ZKSCAN5: variants seen among roughly 807,000 people sequenced by gnomAD.
ZKSCAN5 encodes the protein zinc finger protein with KRAB and SCAN domains 5.
In ZKSCAN5, 28 loss-of-function variants were observed where a neutral mutation model predicts 60.0. The observed-to-expected ratio is 0.47, with a 90% CI of 0.35 to 0.64. ZKSCAN5 has a LOEUF of 0.64. ZKSCAN5 is among the 30% of genes least tolerant of loss of function. The pLI is 0.01. For missense variants in ZKSCAN5, 881 were observed against 1,034.6 expected (o/e 0.85, Z 2.04); for synonymous variants, 361 against 371.2 (o/e 0.97, Z 0.31).
intron 5 of ZKSCAN5, among the ~76,000 whole-genome samples, chr7:99,525,361 A>G (rs1465138430): frequency 6.6e-6 from 1 of 151,614 alleles, no homozygotes; most frequent in African/African-American, 2.4e-5. Flanking sequence ...AGTCCTAGCT[A>G]CTTGGGAGGC....
chr7:99,526,836 T>C (rs1801817085), intron 6 of ZKSCAN5, among the ~76,000 whole-genome samples: 1 of 152,264 alleles, frequency 6.6e-6, no homozygotes, highest in Non-Finnish European at 1.5e-5. Flanking sequence ...ATTACAGGCA[T>C]GAGCCACTGT....
chr7:99,521,258 C>G (rs550176438), intron 5 of ZKSCAN5, among the ~76,000 whole-genome samples: 1 of 152,138 alleles, frequency 6.6e-6, no homozygotes, highest in African/African-American at 2.4e-5. Flanking sequence ...AGTACAATGG[C>G]GCAATCTCAG....
chr7:99,526,733 T>C (rs1201382383), intron 6 of ZKSCAN5, among the ~76,000 whole-genome samples: 1 of 152,086 alleles, frequency 6.6e-6, no homozygotes, highest in Non-Finnish European at 1.5e-5. Context: ...TTTTGTGTTT[T>C]TAGTAGACAC....
chr7:99,527,029 T>G (rs1464319143), intron 6 of ZKSCAN5, among the ~76,000 whole-genome samples: 3 of 152,234 alleles, frequency 2.0e-5, no homozygotes, highest in Non-Finnish European at 4.4e-5. Context: ...GTTATTTTAC[T>G]TATTTTAAAA....
chr7:99,527,325 A>C (rs1441409636), intron 6 of ZKSCAN5, among the ~76,000 whole-genome samples: 3 of 152,224 alleles, frequency 2.0e-5, no homozygotes, highest in Non-Finnish European at 4.4e-5. Context: ...TGGCTAACAG[A>C]GTGAGACTTC....
At chr7:99,514,138 T>C (rs1045917790) in intron 3 of ZKSCAN5, among the ~76,000 whole-genome samples, 1 of 152,206 alleles carries the variant, frequency 6.6e-6, no homozygotes, top group Non-Finnish European at 1.5e-5. Context: ...TATCTTATTA[T>C]TACAAAATAC....
At chr7:99,514,115 C>T (rs1405469048) in intron 3 of ZKSCAN5, among the ~76,000 whole-genome samples, 1 of 152,092 alleles carries the variant, frequency 6.6e-6, no homozygotes, top group Non-Finnish European at 1.5e-5. Context: ...TGTGATGGTC[C>T]AGAATCTCTT....
chr7:99,534,370 G>C lies in ZKSCAN5; in HGVS notation c.*2121G>C. ...CTACAGGCACATGCCACCATGAGTG[G>C]CTAATTTTTAAAAAACATACTTTAG... On this transcript the variant is annotated 3_prime_UTR_variant, in exon 7 of 7. Coordinates refer to ENST00000326775, the MANE Select transcript of ZKSCAN5 (RefSeq NM_145102.4). The C allele has an allele frequency of 6.6e-6, 1 of 152,058 alleles. No individual in the cohort carries two copies. Among genetic ancestry groups the C allele is most frequent in the African/African-American group, 2.4e-5 (1 of 41,386 alleles). 9.4% of individuals were successfully genotyped at this position (152,058 alleles called of 1,614,324 possible).
Position 99,520,169 on chromosome 7 carries a change from A to G in ZKSCAN5, c.637A>G (p.Lys213Glu). The change falls in exon 5 of 7, where the codon AAG becomes GAG. Residue 213 changes from lysine (K) to glutamate (E), a missense_variant and splice_region_variant. Lys to Glu is a moderately conservative substitution (Grantham distance 56). Transcript: ENST00000326775. Reference sequence around the variant, plus strand: ...ATTTAGTGGAGATCTCCTGTTTCAGAAGTTGGTGAAAATTGAAGAGGTGGC... The same window carrying G: ...ATTTAGTGGAGATCTCCTGTTTCAGGAGTTGGTGAAAATTGAAGAGGTGGC... ...TASLLSTGSQ[K>E]LVKIEEVADV... 1 of 1,610,496 alleles carries G rather than the reference A, an allele frequency of 6.2e-7. No individual in the cohort carries two copies. The highest frequency in any genetic ancestry group is 2.2e-5 in the East Asian group (1 of 44,744).
At chr7:99,513,817 C>A in intron 3 of ZKSCAN5, 1 of 245,754 alleles carries the variant, frequency 4.1e-6, no homozygotes, top group Admixed American at 4.9e-5. Flanking sequence ...CACCTGAGGT[C>A]AGGAGTTCAA....
chr7:99,514,928 G>A (rs1035293920), intron 3 of ZKSCAN5, among the ~76,000 whole-genome samples: 1 of 149,828 alleles, frequency 6.7e-6, no homozygotes, highest in African/African-American at 2.5e-5. Context: ...AAAAAAAAAT[G>A]TATTAGCTAG....
chr7:99,531,759 T>C lies in ZKSCAN5; in HGVS notation c.2030T>C (p.Ile677Thr), dbSNP rs776032383. Residue 677 changes from isoleucine (I) to threonine (T), a missense_variant, in exon 7 of 7, where the codon ATT (isoleucine) becomes ACT (threonine). Around this residue, in one of 5 missense-constraint regions of ZKSCAN5, gnomAD observed 112 missense variants for 182.4 expected, o/e 0.61. Coordinates refer to ENST00000326775, the MANE Select transcript of ZKSCAN5 (RefSeq NM_145102.4). Reference protein sequence around the residue: ...GEIFFQYVSLIEHQVLHMGQK... With the variant: ...GEIFFQYVSLTEHQVLHMGQK... ...ATCTTTTTTCAGTACGTTAGCCTAATTGAACATCAGGTGCTCCACATGGGT... is the reference window on the plus strand; with the variant it reads ...ATCTTTTTTCAGTACGTTAGCCTAACTGAACATCAGGTGCTCCACATGGGT... The C allele has an allele frequency of 3.7e-6, 6 of 1,614,118 alleles. No individual in the cohort carries two copies. The highest frequency in any genetic ancestry group is 5.1e-6 in the Non-Finnish European group (6 of 1,180,028).
At chr7:99,508,791 TTTTCTTTC>T (rs761889564) in intron 2 of ZKSCAN5, among the ~76,000 whole-genome samples, 7 of 149,872 alleles carry the variant, frequency 4.7e-5, no homozygotes, top group South Asian at 4.2e-4. Flanking sequence ...TCTGTGAAAT[TTTTCTTTC>T]TTTCTTTCTT....
Position 99,534,453 on chromosome 7 carries a change from A to C in ZKSCAN5, c.*2204A>C, listed in dbSNP as rs939283544. 2.0e-5 allele frequency: 3 copies of C among 152,244 alleles called. No individual in the cohort carries two copies. The highest frequency in any genetic ancestry group is 7.2e-5 in the African/African-American group (3 of 41,432). The allele number at this position is 152,244 out of a possible 1,614,324, so 9.4% of individuals were successfully genotyped here. ...CACTTTGGGAGGCTGAGGCGGGCAG[A>C]TCACGAGGTCAAGAGATCGAAACCA... On this transcript the variant is annotated 3_prime_UTR_variant, in exon 7 of 7. Coordinates refer to ENST00000326775, the MANE Select transcript of ZKSCAN5 (RefSeq NM_145102.4).
chr7:99,520,974 C>A (rs905841428), intron 5 of ZKSCAN5, among the ~76,000 whole-genome samples: 1 of 152,140 alleles, frequency 6.6e-6, no homozygotes, highest in Non-Finnish European at 1.5e-5. Context: ...CCTGTCATAT[C>A]GCTTCTTGAA....
At position 99,519,902 on chromosome 7, in the gene ZKSCAN5, G is replaced by A; in HGVS notation, c.629G>A (p.Gly210Glu). ...QELTASLLST[G>E]SQKLVKIEEV... ...CTGACAGCTTCACTTCTCTCAACTGGGTCCCAGGTGAGCTGGTGCCCCTTT... is the reference window on the plus strand; with the variant it reads ...CTGACAGCTTCACTTCTCTCAACTGAGTCCCAGGTGAGCTGGTGCCCCTTT... Residue 210 changes from glycine (G) to glutamate (E), a missense_variant, in exon 4 of 7, where the codon GGG becomes GAG. Around this residue, in one of 5 missense-constraint regions of ZKSCAN5, gnomAD observed 490 missense variants for 554.5 expected, o/e 0.88. Coordinates refer to ENST00000326775, the MANE Select transcript of ZKSCAN5 (RefSeq NM_145102.4). 1 of 1,614,008 alleles carries A rather than the reference G, an allele frequency of 6.2e-7. No individual in the cohort carries two copies.
chr7:99,516,193 C>G (rs1229744296), intron 3 of ZKSCAN5, among the ~76,000 whole-genome samples: 1 of 152,128 alleles, frequency 6.6e-6, no homozygotes, highest in Non-Finnish European at 1.5e-5. Flanking sequence ...ACAGACTGCT[C>G]CCTCCTCGAG....
At chr7:99,504,936 G>C (rs1800640444) in intron 1 of ZKSCAN5, 2 of 153,152 alleles carry the variant, frequency 1.3e-5, no homozygotes, top group South Asian at 2.1e-4. Flanking sequence ...GCCCAACTCT[G>C]GAGGCCCCGC....
chr7:99,511,599 T>C (rs946263470), intron 2 of ZKSCAN5, among the ~76,000 whole-genome samples: 1 of 150,900 alleles, frequency 6.6e-6, no homozygotes, highest in Non-Finnish European at 1.5e-5. Flanking sequence ...CATGCCACCA[T>C]GCCTGGCTAA....
Sources: gnomAD v4.1 joint callset for allele counts (sites outside exome capture counted in the v4.1 genomes callset) on GRCh38, gnomAD v4.1.1 for gene constraint, gnomAD v4.1.1 regional missense constraint, MANE v1.5 for transcripts, NCBI Gene and HGNC (gene_info 2026-07-23, HGNC 2026-07-21) for gene names.